TROAP: variants seen among roughly 807,000 people sequenced by gnomAD.
TROAP encodes trophinin associated protein.
A neutral mutation model predicts 83.4 loss-of-function variants in TROAP; 62 were observed. The ratio of observed to expected loss-of-function variants is 0.74; its 90% confidence interval spans 0.61 to 0.92. TROAP has a LOEUF of 0.92. TROAP is among the 40% of genes least tolerant of loss of function. The pLI is 0.00. For missense variants in TROAP, 876 were observed against 985.1 expected (o/e 0.89, Z 1.48); for synonymous variants, 352 against 386.4 (o/e 0.91, Z 1.04).
chr12:49,324,083 G>T, intron 3 of TROAP, 46 bp downstream of exon 3: 2 of 1,612,976 alleles, frequency 1.2e-6, no homozygotes, highest in Non-Finnish European at 1.7e-6. Flanking sequence ...GCTGAGTAGG[G>T]GACTAGGAAG....
At chr12:49,325,380 A>AT (rs1312798906) in intron 3 of TROAP, 121 bp from the exon 4 acceptor site, 20 of 1,117,478 alleles carry the variant, frequency 1.8e-5, no homozygotes, top group African/African-American at 4.8e-5. Flanking sequence ...AAAAAAAAAA[A>AT]AAATAAGCCA....
rs780545173 is a variant in TROAP at position 49,330,379 on chromosome 12, C to A, written c.1534C>A (p.Pro512Thr). 6 of 1,614,062 alleles carry A rather than the reference C, an allele frequency of 3.7e-6. No homozygotes were observed. In the African/African-American group the frequency reaches 8.0e-5, roughly 22 times the overall value. Reference sequence around the variant, plus strand: ...CTGTCTTCCAGAGGAGTGCGGGGAACCACAGCCCTGCCCTCCGGCAGAGCC... The same window carrying A: ...CTGTCTTCCAGAGGAGTGCGGGGAAACACAGCCCTGCCCTCCGGCAGAGCC... ...KPCLPEECGE[P>T]QPCPPAEPGP... The change falls in exon 13 of 15, where the codon CCA becomes ACA. Residue 512 changes from proline (P) to threonine (T), a missense_variant. By Grantham distance (38) the Pro-to-Thr change is conservative (BLOSUM62 -1). Transcript: ENST00000257909.
chr12:49,330,769 G>A lies in TROAP; in HGVS notation c.1924G>A (p.Gly642Arg). The change falls in exon 13 of 15, where the codon GGG becomes AGG. Residue 642 changes from glycine to arginine, a missense_variant. By Grantham distance (125) the Gly-to-Arg change is moderately radical. This residue lies in a region of TROAP where 184 missense variants were observed against 238.3 expected (regional missense o/e 0.77). Transcript: ENST00000257909. Reference protein sequence around the residue: ...PPGPCPRVELGASEPCTLEHR... With the variant: ...PPGPCPRVELRASEPCTLEHR... ...AGGGCCCTGCCCTAGGGTAGAGCTG[G>A]GGGCATCAGAGCCCTGCACCCTGGA... 6.2e-7 allele frequency: 1 copy of A among 1,614,054 alleles called. No homozygotes were observed. The highest frequency in any genetic ancestry group is 1.3e-5 in the African/African-American group (1 of 75,010).
At chr12:49,326,383 G>C (rs1324862560) in intron 6 of TROAP, among the ~76,000 whole-genome samples, 1 of 152,190 alleles carries the variant, frequency 6.6e-6, no homozygotes, top group African/African-American at 2.4e-5. Flanking sequence ...GTCATGGGGG[G>C]ACAGGGAGGA....
At position 49,325,856 on chromosome 12, in the gene TROAP, C is replaced by T. The variant is rs1943491491; in HGVS notation, c.605C>T (p.Thr202Ile). 1.2e-6 allele frequency: 2 copies of T among 1,613,810 alleles called. No individual in the cohort carries two copies. Among genetic ancestry groups the T allele is most frequent in the Non-Finnish European group, 1.7e-6 (2 of 1,179,986 alleles). The change falls in exon 5 of 15, where the codon ACA becomes ATA. Residue 202 changes from threonine to isoleucine, a missense_variant. Transcript: ENST00000257909. ...RLEGPGPRGR[T>I]LCPQRLQALI... ...GAGGGACCAGGACCTCGAGGCCGGA[C>T]ATTGTGCCCCCAGAGGCTACAGGCT...
chr12:49,328,403 A>G (rs1047904023), intron 8 of TROAP, among the ~76,000 whole-genome samples: 6 of 151,728 alleles, frequency 4.0e-5, no homozygotes, highest in African/African-American at 1.2e-4. Context: ...TTGTATTTTT[A>G]GTAGAGACAG....
At chr12:49,331,435 T>G (rs1943582196) in intron 14 of TROAP, 28 bp downstream of exon 14, 2 of 1,609,160 alleles carry the variant, frequency 1.2e-6, no homozygotes, top group Non-Finnish European at 1.7e-6. Flanking sequence ...AGCCCAGCTG[T>G]GGCTGCACAG....
Position 49,330,651 on chromosome 12 carries a change from C to A in TROAP, c.1806C>A (p.Ser602=), listed in dbSNP as rs764743222. ...YCRIEPEIPE[S]SRQEQLEVPE... ...GGATTGAGCCTGAGATACCGGAGTC[C>A]TCTCGCCAGGAACAGCTTGAGGTAC... Residue 602 remains serine, a synonymous_variant, in exon 13 of 15, where the codon TCC becomes TCA. Coordinates refer to ENST00000257909, the MANE Select transcript of TROAP (RefSeq NM_005480.4). 1 of 1,614,062 alleles carries A rather than the reference C, an allele frequency of 6.2e-7. No homozygotes were observed. Among genetic ancestry groups the A allele is most frequent in the South Asian group, 1.1e-5 (1 of 91,068 alleles).
At position 49,323,279 on chromosome 12, in the gene TROAP, C is replaced by T; in HGVS notation, c.-76C>T. On this transcript the variant is annotated 5_prime_UTR_variant, in exon 1 of 15. Coordinates refer to ENST00000257909, the MANE Select transcript of TROAP (RefSeq NM_005480.4). ...CGTATTTTACAAACTGAGAAAGTAG[C>T]TCCAGCAGCACCCGAGAGGGTCAGG... 3 of 261,784 alleles carry T rather than the reference C, an allele frequency of 1.1e-5. No individual in the cohort carries two copies. The Admixed American group carries it at 1.5e-4, about 13-fold the overall frequency. 16.2% of individuals were successfully genotyped at this position (261,784 alleles called of 1,614,324 possible). A position where few individuals can be genotyped will look rare whatever the true frequency, so the allele number is the denominator to read the frequency against.
At position 49,331,195 on chromosome 12, in the gene TROAP, A is replaced by T. The variant is rs1351330541; in HGVS notation, c.2099-19A>T. 1.1e-5 allele frequency: 17 copies of T among 1,613,824 alleles called. No homozygotes were observed. The highest frequency in any genetic ancestry group is 1.7e-5 in the Admixed American group (1 of 60,006). The stretch of plus-strand genomic sequence containing the variant: ...GTATAGGACCCCAGACCTCCCTCTA[A>T]ATTTTCCATGCCCCTCAGGCCTCAG... On this transcript the variant is annotated intron_variant, in intron 13 of 14. Transcript: ENST00000257909.
chr12:49,326,793 ACTCAGCAGG>A, intron 7 of TROAP, 73 bp downstream of exon 7: 1 of 1,507,382 alleles, frequency 6.6e-7, no homozygotes, highest in Non-Finnish European at 9.0e-7. Context: ...ACCAGAGAAA[ACTCAGCAGG>A]CTGGGAGGGA....
intron 5 of TROAP, 78 bp from the exon 6 acceptor site, chr12:49,325,998 A>T: frequency 6.2e-7 from 1 of 1,604,666 alleles, no homozygotes; most frequent in South Asian, 1.1e-5. Flanking sequence ...CTACTGGGGG[A>T]GATGGGGTTG....
intron 3 of TROAP, 61 bp from the exon 4 acceptor site, chr12:49,325,440 G>A: frequency 6.5e-7 from 1 of 1,529,550 alleles, no homozygotes; most frequent in South Asian, 1.2e-5. Flanking sequence ...AAGTTCCTAT[G>A]CTAGGGGCCC....
rs1363668851 is a variant in TROAP at position 49,329,380 on chromosome 12, T to C, written c.1105-15T>C. ...GTGGGTGTCAGCCCTTGCTGACATC[T>C]CACTTCTGTGCCAGGCCCAGTGGCT... is the stretch of plus-strand genomic sequence containing the variant. On this transcript the variant is annotated splice_polypyrimidine_tract_variant and intron_variant, in intron 10 of 14. Coordinates refer to ENST00000257909, the MANE Select transcript of TROAP (RefSeq NM_005480.4). This position sits in a 1 kb window ranked among gnomAD's most constrained non-coding sequence, Gnocchi z 4.5. 1 of 1,613,134 alleles carries C rather than the reference T, an allele frequency of 6.2e-7. No individual in the cohort carries two copies. The highest frequency in any genetic ancestry group is 8.5e-7 in the Non-Finnish European group (1 of 1,179,408).
intron 5 of TROAP, 53 bp downstream of exon 5, chr12:49,325,937 G>A (rs1943493442): frequency 1.9e-6 from 3 of 1,605,304 alleles, no homozygotes; most frequent in Non-Finnish European, 2.6e-6. Flanking sequence ...TCCTTCCAGG[G>A]ACAAAGCTGG....
intron 8 of TROAP, among the ~76,000 whole-genome samples, chr12:49,328,698 A>G (rs1409135701): frequency 2.6e-5 from 4 of 151,912 alleles, no homozygotes; most frequent in Admixed American, 2.6e-4. Flanking sequence ...CCCCATCTCT[A>G]CTAAATATAC....
intron 3 of TROAP, chr12:49,324,390 C>T: frequency 2.0e-6 from 1 of 497,438 alleles, no homozygotes; most frequent in Non-Finnish European, 3.5e-6. Flanking sequence ...TCTTCTGAAG[C>T]CTTTTCCAGT....
intron 6 of TROAP, 87 bp from the exon 7 acceptor site, chr12:49,326,581 T>A (rs1020846298): frequency 3.5e-5 from 47 of 1,325,356 alleles, no homozygotes; most frequent in South Asian, 3.4e-4. Flanking sequence ...GAGAATGAAA[T>A]GAGATGATGT....
rs1943487844 is a variant in TROAP, at chr12:49,325,677, A to G, written c.495+19A>G. ...GGTCCAGGTAATGAAACAGGATGTGAGGAGACCAGGCTAGGGGGCACTGAG... is the reference window on the plus strand; with the variant it reads ...GGTCCAGGTAATGAAACAGGATGTGGGGAGACCAGGCTAGGGGGCACTGAG... On this transcript the variant is annotated intron_variant, in intron 4 of 14. Transcript: ENST00000257909. The G allele has an allele frequency of 1.7e-5, 27 of 1,613,350 alleles. No homozygotes were observed. Among genetic ancestry groups the G allele is most frequent in the Non-Finnish European group, 2.3e-5 (27 of 1,179,728 alleles).
Sources: gnomAD v4.1 joint callset for allele counts (sites outside exome capture counted in the v4.1 genomes callset) on GRCh38, gnomAD v4.1.1 for gene constraint, gnomAD v4.1.1 regional missense constraint, Gnocchi (gnomAD v3.1) non-coding constraint, MANE v1.5 for transcripts, NCBI Gene and HGNC (gene_info 2026-07-23, HGNC 2026-07-21) for gene names.